The following HDHD2 variants were observed in gnomAD, a reference collection of about 807,000 sequenced individuals.
HDHD2 encodes the protein haloacid dehalogenase like hydrolase domain containing 2.
HDHD2 carries 26 observed loss-of-function variants against 24.8 expected under a neutral mutation model. The ratio of observed to expected loss-of-function variants is 1.05; its 90% CI spans 0.77 to 1.45. HDHD2 has a LOEUF of 1.45. HDHD2 is among the 40% of genes most tolerant of loss of function. HDHD2 has a pLI of 0.00. For synonymous variants in HDHD2, 128 were observed against 114.9 expected (o/e 1.11, Z -0.73); for missense variants, 299 against 313.4 (o/e 0.95, Z 0.35).
intron 4 of HDHD2, among the ~76,000 whole-genome samples, chr18:47,125,324 G>C (rs1180206021): frequency 6.6e-6 from 1 of 152,124 alleles, no homozygotes; most frequent in Non-Finnish European, 1.5e-5. Flanking sequence ...TTGGAAAACT[G>C]TTTGGCGATA....
At chr18:47,147,510 A>G (rs2063883898) in intron 1 of HDHD2, among the ~76,000 whole-genome samples, 1 of 152,160 alleles carries the variant, frequency 6.6e-6, no homozygotes, top group Non-Finnish European at 1.5e-5. Context: ...AAAAAAAGGC[A>G]TTTTCTTTTC....
At chr18:47,113,370 T>C (rs999391471) in intron 5 of HDHD2, among the ~76,000 whole-genome samples, 2 of 152,178 alleles carry the variant, frequency 1.3e-5, no homozygotes, top group South Asian at 4.1e-4. Context: ...CATGGAAAAA[T>C]GCATTCTATC....
At chr18:47,121,016 T>C (rs1167753065) in intron 4 of HDHD2, among the ~76,000 whole-genome samples, 1 of 151,338 alleles carries the variant, frequency 6.6e-6, no homozygotes, top group African/African-American at 2.4e-5. Context: ...ATTACCAAAA[T>C]GTGACACAGA....
At chr18:47,130,983 T>C (rs1340858252) in intron 3 of HDHD2, among the ~76,000 whole-genome samples, 1 of 152,142 alleles carries the variant, frequency 6.6e-6, no homozygotes, top group Non-Finnish European at 1.5e-5. Context: ...TTTATTTATT[T>C]ATTTATTTTT....
intron 4 of HDHD2, among the ~76,000 whole-genome samples, chr18:47,117,254 G>C (rs1273763970): frequency 6.6e-6 from 1 of 152,154 alleles, no homozygotes; most frequent in Non-Finnish European, 1.5e-5. Context: ...CAAAAGGTTG[G>C]CTGTGACTAT....
At chr18:47,143,814 A>C (rs1174593371) in intron 1 of HDHD2, among the ~76,000 whole-genome samples, 1 of 152,208 alleles carries the variant, frequency 6.6e-6, no homozygotes, top group Non-Finnish European at 1.5e-5. Flanking sequence ...TAACCAATAA[A>C]AATATCCCAA....
chr18:47,115,845 T>C (rs2063554264), intron 4 of HDHD2, among the ~76,000 whole-genome samples: 1 of 152,212 alleles, frequency 6.6e-6, no homozygotes, highest in African/African-American at 2.4e-5. Flanking sequence ...AAATTTTTAA[T>C]AAAGTGTTTT....
At chr18:47,110,509 A>G (rs1294864561) in intron 6 of HDHD2, 2 of 985,086 alleles carry the variant, frequency 2.0e-6, no homozygotes, top group Admixed American at 1.2e-4. Context: ...GTGGTCTAAG[A>G]GACAAATAAA....
chr18:47,138,434 T>C (rs2063788277), intron 1 of HDHD2, among the ~76,000 whole-genome samples: 1 of 152,008 alleles, frequency 6.6e-6, no homozygotes, highest in Non-Finnish European at 1.5e-5. Context: ...TGTATCAAAT[T>C]AAAGGAGTCT....
At chr18:47,144,252 T>A (rs767391951) in intron 1 of HDHD2, among the ~76,000 whole-genome samples, 23 of 152,170 alleles carry the variant, frequency 1.5e-4, no homozygotes, top group Non-Finnish European at 3.1e-4. Flanking sequence ...CCCATGGGCC[T>A]CTTCAGGGAA....
intron 1 of HDHD2, chr18:47,137,099 T>C: frequency 1.4e-6 from 1 of 732,206 alleles, no homozygotes; most frequent in Non-Finnish European, 2.6e-6. Flanking sequence ...GCAGAATGGT[T>C]CTGTGGTGCA....
At chr18:47,121,019 G>A (rs2063601062) in intron 4 of HDHD2, among the ~76,000 whole-genome samples, 1 of 151,628 alleles carries the variant, frequency 6.6e-6, no homozygotes, top group Admixed American at 6.6e-5. Flanking sequence ...ACCAAAATGT[G>A]ACACAGAGAC....
At position 47,108,734 on chromosome 18, in the gene HDHD2, G is replaced by C. The variant is rs752470436; in HGVS notation, c.728C>G (p.Thr243Ser). 1 of 1,611,448 alleles carries C rather than the reference G, an allele frequency of 6.2e-7. No individual in the cohort carries two copies. The highest frequency in any genetic ancestry group is 8.5e-7 in the Non-Finnish European group (1 of 1,178,058). Residue 243 changes from threonine to serine, a missense_variant, in exon 7 of 7, where the codon ACT becomes AGT. By Grantham distance (58) the Thr-to-Ser change is moderately conservative. Coordinates refer to ENST00000300605, the MANE Select transcript of HDHD2 (RefSeq NM_032124.5). ...EEKINPPPYL[T>S]CESFPHAVDH... ...CACAGCATGAGGGAAACTCTCACAAGTTAAGTAAGGAGGTGGATTAATTTT... is the reference window on the plus strand; with the variant it reads ...CACAGCATGAGGGAAACTCTCACAACTTAAGTAAGGAGGTGGATTAATTTT...
chr18:47,131,547 T>C (rs1186361929), intron 3 of HDHD2, among the ~76,000 whole-genome samples: 1 of 152,208 alleles, frequency 6.6e-6, no homozygotes, highest in Non-Finnish European at 1.5e-5. Flanking sequence ...TGGGTTGTCA[T>C]TACTTTAGGC....
chr18:47,134,491 C>T lies in HDHD2; in HGVS notation c.310+5G>A. On this transcript the variant is annotated splice_donor_5th_base_variant and intron_variant, in intron 3 of 6. Coordinates refer to ENST00000300605, the MANE Select transcript of HDHD2 (RefSeq NM_032124.5). ...CAATCTTTAAATTTTCCAAATTTCC[C>T]CTACCTTTGAAATCAGGTAGTGCCC... 2 of 1,608,168 alleles carry T rather than the reference C, an allele frequency of 1.2e-6. No homozygotes were observed. Among genetic ancestry groups the T allele is most frequent in the Non-Finnish European group, 1.7e-6 (2 of 1,175,364 alleles).
At chr18:47,117,028 T>C (rs567828113) in intron 4 of HDHD2, among the ~76,000 whole-genome samples, 4 of 152,336 alleles carry the variant, frequency 2.6e-5, no homozygotes, top group South Asian at 2.1e-4. Context: ...AGAAGTGTTA[T>C]ACATCTCTCA....
intron 1 of HDHD2, among the ~76,000 whole-genome samples, chr18:47,140,088 C>A (rs1009104791): frequency 6.6e-6 from 1 of 152,068 alleles, no homozygotes; most frequent in Admixed American, 6.6e-5. Context: ...CTTAGTTTTA[C>A]CATTTTAGAA....
intron 4 of HDHD2, among the ~76,000 whole-genome samples, chr18:47,115,892 C>T (rs2063554786): frequency 6.6e-6 from 1 of 152,014 alleles, no homozygotes; most frequent in Non-Finnish European, 1.5e-5. Flanking sequence ...CTTCTTTTAC[C>T]TTTTGACTGC....
At chr18:47,145,134 T>C (rs915378836) in intron 1 of HDHD2, among the ~76,000 whole-genome samples, 10 of 152,222 alleles carry the variant, frequency 6.6e-5, no homozygotes, top group African/African-American at 1.9e-4. Context: ...TATACGCCAA[T>C]GGCAAAGAGA....
Sources: allele counts gnomAD v4.1 joint callset (sites outside exome capture counted in the v4.1 genomes callset), GRCh38; gene constraint gnomAD v4.1.1; transcripts MANE v1.5; gene names NCBI Gene and HGNC (gene_info 2026-07-23, HGNC 2026-07-21).